The following UBR2 variants were observed in gnomAD, a reference collection of about 807,000 sequenced individuals.
The protein encoded by UBR2 is ubiquitin protein ligase E3 component n-recognin 2.
Under a neutral mutation model 247.9 loss-of-function variants are expected in UBR2, and 92 were observed. The ratio of observed to expected loss-of-function variants is 0.37; its 90% CI spans 0.31 to 0.44. The LOEUF (loss-of-function observed/expected upper bound fraction) is 0.44, where lower values mean the gene tolerates loss of function less well. Ranked by LOEUF, UBR2 falls within the 20% of genes least tolerant of loss-of-function variation. The pLI, the probability that UBR2 is intolerant of heterozygous loss-of-function variation, is 1.00. For synonymous variants in UBR2, 672 were observed against 693.5 expected (o/e 0.97, Z 0.49); for missense variants, 1,613 against 2,112.6 (o/e 0.76, Z 4.64).
At chr6:42,683,930 T>C (rs1421178539) in intron 43 of UBR2, among the ~76,000 whole-genome samples, 1 of 152,234 alleles carries the variant, frequency 6.6e-6, no homozygotes, top group East Asian at 1.9e-4. Flanking sequence ...CTCTTAGTTC[T>C]GGTAAATACA....
At chr6:42,656,515 C>A (rs1797449192) in intron 26 of UBR2, among the ~76,000 whole-genome samples, 2 of 152,176 alleles carry the variant, frequency 1.3e-5, no homozygotes, top group Non-Finnish European at 2.9e-5. Context: ...CTTGTACTTT[C>A]CCTGCCACAG....
Position 42,621,460 on chromosome 6 carries a change from T to G in UBR2, c.1281+3953T>G, listed in dbSNP as rs118105508. On this transcript the variant is annotated intron_variant, in intron 11 of 46. Coordinates refer to ENST00000372901, the MANE Select transcript of UBR2 (RefSeq NM_001363705.2). ...CCTCAGAGTGCCTTGGCCATTCTTTTTTTGTTTGTTTGTTTTTTTGAGATG... is the reference window on the plus strand; with the variant it reads ...CCTCAGAGTGCCTTGGCCATTCTTTGTTTGTTTGTTTGTTTTTTTGAGATG... Among the ~76,000 whole-genome samples the G allele has an allele frequency of 7.3e-4, 110 of 151,646 alleles. No individual in the cohort carries two copies. In the East Asian group the frequency reaches 0.019, roughly 27 times the overall value.
chr6:42,565,559 GTTGT>G (rs1790730503), intron 1 of UBR2, among the ~76,000 whole-genome samples: 2 of 152,008 alleles, frequency 1.3e-5, no homozygotes, highest in South Asian at 4.2e-4. Flanking sequence ...GTGTTTTGTT[GTTGT>G]TTGTTTTTGT....
intron 20 of UBR2, 31 bp from the exon 21 acceptor site, chr6:42,645,435 G>C: frequency 6.3e-7 from 1 of 1,595,116 alleles, no homozygotes; most frequent in Non-Finnish European, 8.6e-7. Context: ...TATGTTAAAT[G>C]TATGTATATG....
In UBR2 at chr6:42,614,439, C is replaced by CGTACATACATACGTATATATGTAT. The variant is rs1562312402; in HGVS notation, c.986-625_986-624insCATACGTATATATGTATGTACATA. Among the ~76,000 whole-genome samples the CGTACATACATACGTATATATGTAT allele has an allele frequency of 2.2e-5, 2 of 91,996 alleles. 1 individual carries two copies. Among genetic ancestry groups the CGTACATACATACGTATATATGTAT allele is most frequent in the Non-Finnish European group, 4.6e-5 (2 of 43,438 alleles). The allele number at this position is 91,996 out of a possible 152,430, so 60.4% of individuals were successfully genotyped here. A position where few individuals can be genotyped will look rare whatever the true frequency, so the allele number is the denominator to read the frequency against. On this transcript the variant is annotated intron_variant, in intron 8 of 46. Transcript: ENST00000372901. ...ACGTACGTACATATATATGTATGTACGTACATATATATGTATGGAACAAAT... is the reference window on the plus strand; with the variant it reads ...ACGTACGTACATATATATGTATGTACGTACATACATACGTATATATGTATGTACATATATATGTATGGAACAAAT...
chr6:42,568,602 C>T (rs1238606900), intron 1 of UBR2, among the ~76,000 whole-genome samples: 3 of 151,888 alleles, frequency 2.0e-5, no homozygotes, highest in Admixed American at 6.6e-5. Flanking sequence ...TGGTGGCAGG[C>T]GCCTGTGGTC....
intron 2 of UBR2, among the ~76,000 whole-genome samples, chr6:42,583,371 C>T (rs1045527608): frequency 6.6e-6 from 1 of 152,058 alleles, no homozygotes; most frequent in African/African-American, 2.4e-5. Context: ...CCTCAGCCTC[C>T]CAAGTAGCTG....
Position 42,616,030 on chromosome 6 carries a change from C to A in UBR2, c.1122C>A (p.Phe374Leu). ...KGARSVYHQL[F>L]MSSLLMDLKY... ...CTAGGAGTGTATATCATCAGTTGTT[C>A]ATGAGCAGTCTGCTTATGGATTTGA... The change falls in exon 10 of 47, where the codon TTC becomes TTA. Residue 374 changes from phenylalanine to leucine, a missense_variant. Phe to Leu is a conservative substitution (Grantham distance 22, BLOSUM62 0). Transcript: ENST00000372901. 6.2e-7 allele frequency: 1 copy of A among 1,606,066 alleles called. No homozygotes were observed. Among genetic ancestry groups the A allele is most frequent in the South Asian group, 1.1e-5 (1 of 88,998 alleles).
chr6:42,579,089 G>T (rs1236851088), intron 2 of UBR2, among the ~76,000 whole-genome samples: 1 of 152,100 alleles, frequency 6.6e-6, no homozygotes, highest in Non-Finnish European at 1.5e-5. Flanking sequence ...CCTGAGGCTG[G>T]ATAATTTATA....
chr6:42,679,959 T>C, intron 42 of UBR2, 127 bp downstream of exon 42: 2 of 625,704 alleles, frequency 3.2e-6, no homozygotes, highest in Non-Finnish European at 5.4e-6. Flanking sequence ...ATTCAAACTA[T>C]AATGGGTGGG....
chr6:42,564,229 T>A lies in UBR2; in HGVS notation c.-91T>A. 6.9e-7 allele frequency: 1 copy of A among 1,455,190 alleles called. No individual in the cohort carries two copies. Among genetic ancestry groups the A allele is most frequent in the Non-Finnish European group, 9.4e-7 (1 of 1,064,762 alleles). 90.1% of individuals were successfully genotyped at this position (1,455,190 alleles called of 1,614,324 possible). On this transcript the variant is annotated 5_prime_UTR_variant, in exon 1 of 47. Transcript: ENST00000372901. ...TTGGACGGCTCCGGGACTGATTGCC[T>A]GGGGCAGGGGTGGCAGTCGAGGCCG...
In UBR2 at chr6:42,668,403, A is replaced by G. The variant is rs564077971; in HGVS notation, c.3882-1689A>G. On this transcript the variant is annotated intron_variant, in intron 34 of 46. Transcript: ENST00000372901. ...GCATTATTTTACTAAATTCTAATCC[A>G]TTGAGAAATTATTCCCATTCTAATT... Among the ~76,000 whole-genome samples the G allele has an allele frequency of 1.6e-3, 237 of 152,282 alleles. 1 individual carries two copies. Among genetic ancestry groups the G allele is most frequent in the Middle Eastern group, 3.4e-3 (1 of 294 alleles).
intron 11 of UBR2, among the ~76,000 whole-genome samples, chr6:42,631,913 A>G (rs1795759278): frequency 7.5e-6 from 1 of 133,518 alleles, no homozygotes; most frequent in Non-Finnish European, 1.6e-5. Flanking sequence ...GTAATTATAT[A>G]TATATAAAAT....
At chr6:42,614,205 A>ATATATAT (rs1562310782) in intron 8 of UBR2, among the ~76,000 whole-genome samples, 2 of 26,614 alleles carry the variant, frequency 7.5e-5, no homozygotes, top group African/African-American at 1.6e-4. Flanking sequence ...AAAAAAAAAA[A>ATATATAT]CTATATATAT....
chr6:42,635,303 A>G (rs542610022), intron 13 of UBR2, 115 bp from the exon 14 acceptor site: 1 of 1,076,952 alleles, frequency 9.3e-7, no homozygotes, highest in Non-Finnish European at 1.3e-6. Flanking sequence ...GTTAAAACTT[A>G]TACCTTCTAT....
At chr6:42,638,985 A>G (rs1317700617) in intron 15 of UBR2, among the ~76,000 whole-genome samples, 1 of 152,210 alleles carries the variant, frequency 6.6e-6, no homozygotes, top group African/African-American at 2.4e-5. Context: ...AATATTTTTG[A>G]GTATTCATTT....
intron 11 of UBR2, among the ~76,000 whole-genome samples, chr6:42,620,583 C>G (rs1009985714): frequency 1.3e-5 from 2 of 150,382 alleles, no homozygotes; most frequent in African/African-American, 4.9e-5. Flanking sequence ...GCAACCTCAG[C>G]CTCCTGAGTA....
chr6:42,584,479 GTTTGT>G (rs985330760), intron 2 of UBR2, among the ~76,000 whole-genome samples: 62 of 152,106 alleles, frequency 4.1e-4, no homozygotes, highest in Admixed American at 3.7e-3. Flanking sequence ...TTCCTTTAAA[GTTTGT>G]TTTGTCTATT....
chr6:42,688,559 T>C (rs111470042), intron 45 of UBR2, among the ~76,000 whole-genome samples, 173 bp downstream of exon 45: 4 of 152,320 alleles, frequency 2.6e-5, no homozygotes, highest in African/African-American at 9.6e-5. Flanking sequence ...CCATGCCAAC[T>C]CTGTGTTGGT....
Sources: allele counts gnomAD v4.1 joint callset (sites outside exome capture counted in the v4.1 genomes callset), GRCh38; gene constraint gnomAD v4.1.1; transcripts MANE v1.5; gene names NCBI Gene and HGNC (gene_info 2026-07-23, HGNC 2026-07-21).